SLIT2: variants seen among roughly 807,000 people sequenced by gnomAD.
The protein encoded by SLIT2 is slit guidance ligand 2.
In SLIT2, 41 loss-of-function variants were observed where a neutral mutation model predicts 185.7. The ratio of observed to expected loss-of-function variants is 0.22; its 90% CI spans 0.17 to 0.29. SLIT2 has a LOEUF of 0.29. SLIT2 is among the 10% of genes least tolerant of loss of function. The pLI is 1.00. For synonymous variants in SLIT2, 693 were observed against 680.2 expected (o/e 1.02, Z -0.29); for missense variants, 1,571 against 1,909.0 (o/e 0.82, Z 3.30).
At chr4:20,512,709 A>C (rs1406341498) in intron 11 of SLIT2, among the ~76,000 whole-genome samples, 4 of 152,172 alleles carry the variant, frequency 2.6e-5, no homozygotes, top group Non-Finnish European at 5.9e-5. Flanking sequence ...ACAGAAGGAC[A>C]AAAGGCAAAT....
intron 4 of SLIT2, among the ~76,000 whole-genome samples, chr4:20,343,251 A>G (rs1478170940): frequency 6.6e-6 from 1 of 152,042 alleles, no homozygotes; most frequent in African/African-American, 2.4e-5. Flanking sequence ...TCTGATATCT[A>G]TCATTCCACT....
intron 29 of SLIT2, among the ~76,000 whole-genome samples, chr4:20,581,789 G>T (rs895994066): frequency 1.3e-5 from 2 of 151,966 alleles, no homozygotes; most frequent in African/African-American, 4.8e-5. Context: ...CATTGCCCAG[G>T]CTAGAGTAGT....
intron 4 of SLIT2, among the ~76,000 whole-genome samples, chr4:20,443,437 T>G (rs1181022831): frequency 6.6e-6 from 1 of 152,140 alleles, no homozygotes; most frequent in Non-Finnish European, 1.5e-5. Context: ...ATACATTTTC[T>G]CATAAACTTT....
At chr4:20,502,010 C>A (rs918668852) in intron 9 of SLIT2, among the ~76,000 whole-genome samples, 2 of 152,080 alleles carry the variant, frequency 1.3e-5, no homozygotes, top group Admixed American at 1.3e-4. Flanking sequence ...TACCTAATTT[C>A]CCAAGAAGTT....
chr4:20,510,445 G>A, intron 9 of SLIT2, 50 bp from the exon 10 acceptor site: 7 of 1,133,412 alleles, frequency 6.2e-6, no homozygotes, highest in Non-Finnish European at 8.1e-6. Flanking sequence ...AATTAAACAT[G>A]TCCGAAGGTT....
intron 4 of SLIT2, among the ~76,000 whole-genome samples, chr4:20,290,198 C>A (rs993063443): frequency 2.0e-5 from 3 of 152,142 alleles, no homozygotes; most frequent in African/African-American, 7.2e-5. Flanking sequence ...AACCATGTTC[C>A]CTTTATAAAT....
intron 29 of SLIT2, among the ~76,000 whole-genome samples, chr4:20,585,160 C>T (rs543235695): frequency 1.3e-4 from 20 of 152,252 alleles, no homozygotes; most frequent in South Asian, 4.2e-4. Flanking sequence ...TTCTGGCATT[C>T]GCAGATATTG....
At chr4:20,288,455 G>A (rs1381204368) in intron 4 of SLIT2, among the ~76,000 whole-genome samples, 1 of 152,238 alleles carries the variant, frequency 6.6e-6, no homozygotes, top group Non-Finnish European at 1.5e-5. Context: ...CTGCACGTGT[G>A]CATGACAATG....
chr4:20,385,376 G>A (rs2109351957), intron 4 of SLIT2, among the ~76,000 whole-genome samples: 1 of 152,242 alleles, frequency 6.6e-6, no homozygotes, highest in South Asian at 2.1e-4. Flanking sequence ...CTTGGTAGAT[G>A]CTCAGTAAAT....
At chr4:20,605,056 G>A (rs73093164) in intron 33 of SLIT2, among the ~76,000 whole-genome samples, 2,149 of 150,860 alleles carry the variant, frequency 0.014, 49 homozygotes, top group African/African-American at 0.05. Flanking sequence ...GGCTAGACTC[G>A]AACTCCTGAC....
At chr4:20,346,347 A>G in intron 4 of SLIT2, among the ~76,000 whole-genome samples, 1 of 152,304 alleles carries the variant, frequency 6.6e-6, no homozygotes, top group South Asian at 2.1e-4. Flanking sequence ...GCTGTCCTGT[A>G]TAGATACCAG....
intron 3 of SLIT2, among the ~76,000 whole-genome samples, chr4:20,259,339 C>G (rs1459642114): frequency 1.3e-5 from 2 of 151,580 alleles, no homozygotes; most frequent in Admixed American, 1.3e-4. Context: ...AAGAAAGCAT[C>G]AATATAATTC....
At position 20,546,086 on chromosome 4, in the gene SLIT2, C is replaced by A; in HGVS notation, c.2332C>A (p.His778Asn). 6.3e-7 allele frequency: 1 copy of A among 1,579,896 alleles called. No homozygotes were observed. The highest frequency in any genetic ancestry group is 8.7e-7 in the Non-Finnish European group (1 of 1,154,812). The change falls in exon 22 of 37, where the codon CAT (histidine) becomes AAT (asparagine). Residue 778 changes from histidine (H) to asparagine (N), a missense_variant. Physicochemically the swap from His to Asn is moderately conservative, Grantham distance 68. Coordinates refer to ENST00000504154, the MANE Select transcript of SLIT2 (RefSeq NM_004787.4). Reference protein sequence around the residue: ...LVPKELSNYKHLTLIDLSNNR... With the variant: ...LVPKELSNYKNLTLIDLSNNR... ...TCCCAAGGAACTCTCCAACTACAAA[C>A]ATTTAACACTTATGTGAGTAACATA...
At chr4:20,400,568 A>G (rs1726268463) in intron 4 of SLIT2, among the ~76,000 whole-genome samples, 1 of 151,732 alleles carries the variant, frequency 6.6e-6, no homozygotes, top group African/African-American at 2.4e-5. Context: ...TGATTACTCT[A>G]GAACTTAGAG....
intron 12 of SLIT2, 65 bp downstream of exon 12, chr4:20,519,518 A>C: frequency 2.7e-5 from 26 of 979,268 alleles, no homozygotes; most frequent in Non-Finnish European, 3.9e-5. Context: ...TTGTTGTCTC[A>C]TATTTTTATG....
chr4:20,276,545 GA>G (rs1335826804), intron 4 of SLIT2, among the ~76,000 whole-genome samples: 3 of 151,976 alleles, frequency 2.0e-5, no homozygotes, highest in Non-Finnish European at 4.4e-5. Flanking sequence ...TCCCCCAAAT[GA>G]AAGTTTATAG....
intron 9 of SLIT2, among the ~76,000 whole-genome samples, chr4:20,504,305 A>G (rs1204989270): frequency 1.3e-5 from 2 of 152,116 alleles, no homozygotes; most frequent in East Asian, 1.9e-4. Flanking sequence ...CATTAAGACT[A>G]TGCTCTATTC....
At chr4:20,425,644 C>T (rs554433587) in intron 4 of SLIT2, among the ~76,000 whole-genome samples, 13 of 152,178 alleles carry the variant, frequency 8.5e-5, no homozygotes, top group Middle Eastern at 3.4e-3. Context: ...TCCATAAATC[C>T]GTTTGTAAAG....
At chr4:20,342,717 CTTTTTT>C (rs11373611) in intron 4 of SLIT2, among the ~76,000 whole-genome samples, 27 of 69,678 alleles carry the variant, frequency 3.9e-4, no homozygotes, top group African/African-American at 1.4e-3. Context: ...GACTATCGCA[CTTTTTT>C]TTTTTTTTTT....
Sources: allele counts gnomAD v4.1 joint callset (sites outside exome capture counted in the v4.1 genomes callset), GRCh38; gene constraint gnomAD v4.1.1; transcripts MANE v1.5; gene names NCBI Gene and HGNC (gene_info 2026-07-23, HGNC 2026-07-21).